ME1: variants seen among roughly 807,000 people sequenced by gnomAD.
The protein encoded by ME1 is NADP-dependent malic enzyme.
In ME1, 74 loss-of-function variants were observed where a neutral mutation model predicts 66.4. The observed-to-expected ratio is 1.11, with a 90% confidence interval of 0.92 to 1.35. The LOEUF (loss-of-function observed/expected upper bound fraction) is 1.35, where lower values mean the gene tolerates loss of function less well. Among genes scored for constraint, ME1 ranks in the 40% most tolerant of loss-of-function variants. The pLI is 0.00. For missense variants in ME1, 750 were observed against 694.1 expected, an observed-to-expected ratio of 1.08 and a Z score of -0.90; for synonymous variants, 251 against 235.6, an observed-to-expected ratio of 1.07 and a Z score of -0.60.
chr6:83,236,958 G>A (rs1421059827), intron 9 of ME1, among the ~76,000 whole-genome samples: 1 of 151,852 alleles, frequency 6.6e-6, no homozygotes, highest in Non-Finnish European at 1.5e-5. Context: ...CCAGCACTTT[G>A]GGAGGCTGAG....
intron 3 of ME1, chr6:83,392,799 C>T: frequency 1.4e-5 from 10 of 714,928 alleles, no homozygotes; most frequent in South Asian, 1.3e-4. Flanking sequence ...CTGCTGATGC[C>T]CCCATGTTCG....
chr6:83,286,999 C>CT (rs1487320884), intron 6 of ME1, among the ~76,000 whole-genome samples: 1 of 152,022 alleles, frequency 6.6e-6, no homozygotes. Flanking sequence ...AGTCCAAGCA[C>CT]TTTATATGAA....
intron 6 of ME1, among the ~76,000 whole-genome samples, chr6:83,300,154 C>T (rs1213845125): frequency 6.6e-6 from 1 of 152,034 alleles, no homozygotes; most frequent in East Asian, 1.9e-4. Flanking sequence ...GAGAGGACTC[C>T]CTATTCAATA....
At chr6:83,215,312 C>A (rs1262343781) in intron 13 of ME1, among the ~76,000 whole-genome samples, 1 of 152,118 alleles carries the variant, frequency 6.6e-6, no homozygotes, top group Non-Finnish European at 1.5e-5. Context: ...TTGGTTGATA[C>A]AACTGAGCAG....
At chr6:83,237,653 T>C in intron 9 of ME1, 64 bp downstream of exon 9, 2 of 827,212 alleles carry the variant, frequency 2.4e-6, no homozygotes, top group South Asian at 3.6e-5. Context: ...CAGAGTTGTC[T>C]TTGAGATGGC....
At chr6:83,331,877 G>T (rs934864524) in intron 5 of ME1, among the ~76,000 whole-genome samples, 3 of 152,048 alleles carry the variant, frequency 2.0e-5, no homozygotes, top group African/African-American at 7.2e-5. Context: ...GTCCAAACAA[G>T]CAGGAAGGGA....
Position 83,293,693 on chromosome 6 carries a change from C to A in ME1, c.704+21617G>T, listed in dbSNP as rs894542876. Among the ~76,000 whole-genome samples, 3 of 152,048 alleles carry A rather than the reference C, an allele frequency of 2.0e-5. No individual in the cohort carries two copies. The South Asian group carries it at 6.2e-4, about 32-fold the overall frequency. ...GGGGAAAGGGGTGAAATGAAGTAAG[C>A]GAAAGGAGCTGTCATAATGTATCTG... On this transcript the variant is annotated intron_variant, in intron 6 of 13. Transcript: ENST00000369705.
chr6:83,419,553 T>C (rs1243295587), intron 1 of ME1, among the ~76,000 whole-genome samples: 1 of 152,204 alleles, frequency 6.6e-6, no homozygotes, highest in Non-Finnish European at 1.5e-5. Flanking sequence ...ATGAAAACAC[T>C]GGTCACTGGC....
At chr6:83,365,500 G>C (rs1252464246) in intron 3 of ME1, among the ~76,000 whole-genome samples, 2 of 152,184 alleles carry the variant, frequency 1.3e-5, no homozygotes, top group African/African-American at 2.4e-5. Context: ...GGTGCAGCTT[G>C]ACTGTTGCTG....
chr6:83,324,448 A>G (rs1768243280), intron 5 of ME1, among the ~76,000 whole-genome samples: 1 of 152,022 alleles, frequency 6.6e-6, no homozygotes, highest in South Asian at 2.1e-4. Flanking sequence ...CAGACTAATA[A>G]AGAAGAAAAG....
chr6:83,324,154 A>G (rs1480160123), intron 5 of ME1, among the ~76,000 whole-genome samples: 1 of 152,104 alleles, frequency 6.6e-6, no homozygotes, highest in Non-Finnish European at 1.5e-5. Flanking sequence ...ACAAAGACAC[A>G]ATGTGCCAGA....
At chr6:83,229,202 A>T (rs146632677) in intron 9 of ME1, 195 of 502,312 alleles carry the variant, frequency 3.9e-4, no homozygotes, top group African/African-American at 3.7e-3. Context: ...AATTTTACAG[A>T]CATGTGAGAA....
intron 8 of ME1, among the ~76,000 whole-genome samples, chr6:83,238,819 T>TATATATATATATATATATATATAG (rs1790459573): frequency 6.7e-6 from 1 of 149,078 alleles, no homozygotes; most frequent in African/African-American, 2.4e-5. Context: ...TATATATATA[T>TATATATATATATATATATATATAG]AGCCACAAAA....
chr6:83,371,723 C>A (rs961819028), intron 3 of ME1, among the ~76,000 whole-genome samples: 10 of 152,044 alleles, frequency 6.6e-5, no homozygotes, highest in Non-Finnish European at 1.0e-4. Context: ...CAAATAATGC[C>A]CATTTTCCCT....
At chr6:83,346,039 G>T in intron 5 of ME1, 134 bp downstream of exon 5, 1 of 635,024 alleles carries the variant, frequency 1.6e-6, no homozygotes, top group Non-Finnish European at 2.5e-6. Context: ...CAACAGTAAA[G>T]GGCAGATTTG....
chr6:83,250,287 A>G (rs1180196), intron 7 of ME1, among the ~76,000 whole-genome samples: 67,749 of 150,868 alleles, frequency 0.45, 16,168 homozygotes, highest in African/African-American at 0.63. Context: ...ATATTTCTTT[A>G]AGGCTATTAC....
intron 2 of ME1, among the ~76,000 whole-genome samples, chr6:83,401,745 A>G (rs370495944): frequency 6.6e-6 from 1 of 152,176 alleles, no homozygotes; most frequent in East Asian, 1.9e-4. Flanking sequence ...ACTTTCACTC[A>G]CCAAGGCCAA....
At chr6:83,237,062 G>A in intron 9 of ME1, among the ~76,000 whole-genome samples, 1 of 150,648 alleles carries the variant, frequency 6.6e-6, no homozygotes, top group South Asian at 2.1e-4. Flanking sequence ...AGCCGGATAT[G>A]GCGGCCTGTG....
intron 7 of ME1, among the ~76,000 whole-genome samples, chr6:83,241,583 T>C (rs1413781898): frequency 1.3e-5 from 2 of 151,494 alleles, no homozygotes; most frequent in African/African-American, 4.9e-5. Context: ...ACACTAATCT[T>C]CCATTTATAG....
Sources: allele counts gnomAD v4.1 joint callset (sites outside exome capture counted in the v4.1 genomes callset), GRCh38; gene constraint gnomAD v4.1.1; transcripts MANE v1.5; gene names NCBI Gene and HGNC (gene_info 2026-07-23, HGNC 2026-07-21).